The following UBE2D3 variants were observed in gnomAD, a reference collection of about 807,000 sequenced individuals.
The protein encoded by UBE2D3 is ubiquitin conjugating enzyme E2 D3.
A neutral mutation model predicts 22.8 loss-of-function variants in UBE2D3; 2 were observed. The ratio of observed to expected loss-of-function variants is 0.09; its 90% confidence interval spans 0.04 to 0.28. The LOEUF (loss-of-function observed/expected upper bound fraction) is 0.28, where lower values mean the gene tolerates loss of function less well. UBE2D3 is among the 10% of genes least tolerant of loss of function. UBE2D3 has a pLI of 1.00. For missense variants in UBE2D3, 27 were observed against 182.5 expected (o/e 0.15, Z 4.91); for synonymous variants, 56 against 60.4 (o/e 0.93, Z 0.34).
rs548025619 is a variant in UBE2D3 at position 102,796,179 on chromosome 4, T to C, written c.*1236A>G. ...TATTTTGCAAATTTTGACCCATTAT[T>C]ACTCCCATGTTGTTTTTTTTCAGCT... On this transcript the variant is annotated 3_prime_UTR_variant, in exon 8 of 8. Coordinates refer to ENST00000453744, the MANE Select transcript of UBE2D3 (RefSeq NM_181891.3). 1 of 152,556 alleles carries C rather than the reference T, an allele frequency of 6.6e-6. No homozygotes were observed. The highest frequency in any genetic ancestry group is 2.1e-4 in the South Asian group (1 of 4,828). The allele number at this position is 152,556 out of a possible 1,614,324, so 9.5% of individuals were successfully genotyped here.
intron 1 of UBE2D3, among the ~76,000 whole-genome samples, chr4:102,863,768 A>G (rs568562055): frequency 5.3e-5 from 8 of 152,338 alleles, no homozygotes; most frequent in African/African-American, 1.9e-4. Flanking sequence ...TGCTGGGATT[A>G]CAGACGTGGG....
intron 6 of UBE2D3, among the ~76,000 whole-genome samples, chr4:102,800,573 TAGAA>T (rs749567618): frequency 6.6e-5 from 10 of 152,136 alleles, no homozygotes; most frequent in Admixed American, 1.3e-4. Flanking sequence ...GAAAAGAAAT[TAGAA>T]AGCATCCAAG....
chr4:102,827,322 T>A, intron 1 of UBE2D3, 105 bp downstream of exon 1: 1 of 953,100 alleles, frequency 1.0e-6, no homozygotes, highest in Non-Finnish European at 1.2e-6. Context: ...CCGCACCCAA[T>A]AGGCTGGCCG....
At chr4:102,802,749 A>G (rs1726390232) in intron 4 of UBE2D3, 111 bp from the exon 5 acceptor site, 1 of 695,020 alleles carries the variant, frequency 1.4e-6, no homozygotes, top group East Asian at 2.9e-5. Context: ...ACCTATTTAC[A>G]CTGCAATAAA....
chr4:102,827,574 C>T, upstream of UBE2D3: 7 of 987,066 alleles, frequency 7.1e-6, no homozygotes, highest in Non-Finnish European at 8.4e-6. Flanking sequence ...CACGCTCCGC[C>T]CCTCCCCCTC....
intron 1 of UBE2D3, among the ~76,000 whole-genome samples, chr4:102,864,852 G>GA (rs1733073596): frequency 6.6e-6 from 1 of 152,160 alleles, no homozygotes; most frequent in Admixed American, 6.5e-5. Context: ...AGCAATGGAA[G>GA]AGAATAAGCA....
intron 2 of UBE2D3, 89 bp downstream of exon 2, chr4:102,826,396 A>G: frequency 1.3e-6 from 2 of 1,520,304 alleles, no homozygotes; most frequent in Non-Finnish European, 1.8e-6. Context: ...TATTTTCAGA[A>G]TTATGCTTCC....
intron 1 of UBE2D3, among the ~76,000 whole-genome samples, chr4:102,842,318 A>G (rs950311570): frequency 6.6e-6 from 1 of 152,004 alleles, no homozygotes; most frequent in Non-Finnish European, 1.5e-5. Flanking sequence ...TGGGATGCCA[A>G]AGCAGGAGAA....
upstream of UBE2D3, chr4:102,827,649 T>G: frequency 4.1e-6 from 4 of 986,288 alleles, no homozygotes; most frequent in Non-Finnish European, 4.8e-6. Flanking sequence ...AAGACCGATG[T>G]GAGGCCGAAG....
rs1395012564 is a variant in UBE2D3 at position 102,795,656 on chromosome 4, C to T, written c.*1759G>A. On this transcript the variant is annotated 3_prime_UTR_variant, in exon 8 of 8. Transcript: ENST00000453744. ...TTTCACTTCCAGTTTAGAGAAGAAC[C>T]TTAAGTCAATAAATCATGTCCAAAC... 1 of 152,002 alleles carries T rather than the reference C, an allele frequency of 6.6e-6. No homozygotes were observed. The highest frequency in any genetic ancestry group is 1.5e-5 in the Non-Finnish European group (1 of 67,930). 9.4% of individuals were successfully genotyped at this position (152,002 alleles called of 1,614,324 possible). A position where few individuals can be genotyped will look rare whatever the true frequency, so the allele number is the denominator to read the frequency against.
At position 102,809,657 on chromosome 4, in the gene UBE2D3, A is replaced by T; in HGVS notation, c.120+15T>A. ...TTTTCACTTAAAACTAAATTTAAAA[A>T]TTCTTAATACTTACAGGTCCCATAA... On this transcript the variant is annotated intron_variant, in intron 4 of 7. Transcript: ENST00000453744. The T allele has an allele frequency of 6.3e-7, 1 of 1,586,722 alleles. No homozygotes were observed. The highest frequency in any genetic ancestry group is 8.5e-7 in the Non-Finnish European group (1 of 1,171,060).
chr4:102,802,863 GTTTT>G (rs1457917934), intron 4 of UBE2D3, among the ~76,000 whole-genome samples: 1 of 151,984 alleles, frequency 6.6e-6, no homozygotes, highest in Non-Finnish European at 1.5e-5. Flanking sequence ...TCACCAAAAT[GTTTT>G]TTTAAAAAGT....
chr4:102,853,160 T>TTTTTTTTTTTA, intron 1 of UBE2D3, among the ~76,000 whole-genome samples: 1 of 138,334 alleles, frequency 7.2e-6, no homozygotes, highest in Non-Finnish European at 1.5e-5. Flanking sequence ...TTTTTTTTTT[T>TTTTTTTTTTTA]GAGACGGAGT....
intron 2 of UBE2D3, chr4:102,812,469 C>A (rs1259132925): frequency 6.6e-6 from 1 of 152,150 alleles, no homozygotes; most frequent in African/African-American, 2.4e-5. Flanking sequence ...AGGCTCTCAA[C>A]AAACTGAGGG....
chr4:102,797,485 A>G, intron 7 of UBE2D3, 25 bp from the exon 8 acceptor site: 4 of 1,572,044 alleles, frequency 2.5e-6, no homozygotes, highest in East Asian at 2.2e-5. Context: ...GTTATTTTTA[A>G]AAGTTAAAAT....
exon 1 of UBE2D3, chr4:102,868,787 G>A: frequency 6.2e-7 from 1 of 1,613,790 alleles, no homozygotes. Flanking sequence ...CTTTCTGCTG[G>A]TCTCCAGCAT....
intron 1 of UBE2D3, among the ~76,000 whole-genome samples, chr4:102,855,487 GTTCAC>G (rs1341635495): frequency 1.3e-5 from 2 of 152,194 alleles, no homozygotes; most frequent in African/African-American, 4.8e-5. Flanking sequence ...AGCAATCATA[GTTCAC>G]TTCATGCAGC....
chr4:102,853,283 C>CA (rs1189549080), intron 1 of UBE2D3, among the ~76,000 whole-genome samples: 2 of 151,516 alleles, frequency 1.3e-5, no homozygotes, highest in Non-Finnish European at 3.0e-5. Flanking sequence ...GCTGGGACTA[C>CA]AGGCGCCCGC....
intron 1 of UBE2D3, among the ~76,000 whole-genome samples, chr4:102,841,367 C>G (rs2110356723): frequency 6.6e-6 from 1 of 152,206 alleles, no homozygotes; most frequent in Admixed American, 6.5e-5. Flanking sequence ...AACATCTTGA[C>G]TATTTAAATA....
Sources: gnomAD v4.1 joint callset for allele counts (sites outside exome capture counted in the v4.1 genomes callset) on GRCh38, gnomAD v4.1.1 for gene constraint, MANE v1.5 for transcripts, NCBI Gene and HGNC (gene_info 2026-07-23, HGNC 2026-07-21) for gene names.